The following PDE3B variants were observed in gnomAD, a reference collection of about 807,000 sequenced individuals.
The protein encoded by PDE3B is phosphodiesterase 3B, also known as cGMP-inhibited 3',5'-cyclic phosphodiesterase 3B.
In PDE3B, 66 loss-of-function variants were observed where a neutral mutation model predicts 116.8. That is an observed-to-expected ratio of 0.56 (90% confidence interval 0.46 to 0.69). The LOEUF (loss-of-function observed/expected upper bound fraction) is 0.69. Among genes scored for constraint, PDE3B ranks in the 30% least tolerant of loss-of-function variants. The pLI, the probability that PDE3B is intolerant of heterozygous loss-of-function variation, is 0.00. For missense variants in PDE3B, 1,384 were observed against 1,368.1 expected (o/e 1.01, Z -0.18); for synonymous variants, 595 against 533.6 (o/e 1.12, Z -1.59).
At chr11:14,768,773 T>C (rs1446637225) in intron 1 of PDE3B, among the ~76,000 whole-genome samples, 2 of 151,506 alleles carry the variant, frequency 1.3e-5, no homozygotes, top group African/African-American at 4.8e-5. Flanking sequence ...ACTAAAAATG[T>C]CTCACCATTG....
chr11:14,653,263 G>A lies in PDE3B; in HGVS notation c.978+8210G>A, dbSNP rs1853616220. On this transcript the variant is annotated intron_variant, in intron 1 of 15. Transcript: ENST00000282096. ...AAACCTCACGTAAAAATTTAAATTG[G>A]CCTCAGGTTGGCAATGTTCCAAGGC... is the stretch of plus-strand genomic sequence containing the variant. 2.0e-5 allele frequency among the ~76,000 whole-genome samples: 3 copies of A among 152,016 alleles called. No individual in the cohort carries two copies. The South Asian group carries it at 6.2e-4, about 32-fold the overall frequency.
intron 1 of PDE3B, among the ~76,000 whole-genome samples, chr11:14,657,749 G>C (rs1160850552): frequency 6.6e-6 from 1 of 152,158 alleles, no homozygotes; most frequent in Non-Finnish European, 1.5e-5. Context: ...GGAGTTTAAT[G>C]TAAGATAAAA....
At chr11:14,725,363 C>T (rs1304122729) in intron 1 of PDE3B, among the ~76,000 whole-genome samples, 1 of 145,178 alleles carries the variant, frequency 6.9e-6, no homozygotes, top group Non-Finnish European at 1.5e-5. Flanking sequence ...TTTCTCCTCT[C>T]TCTTTCTCCT....
At chr11:14,810,719 TC>T (rs1271375749) in intron 5 of PDE3B, among the ~76,000 whole-genome samples, 1 of 142,738 alleles carries the variant, frequency 7.0e-6, no homozygotes, top group East Asian at 2.0e-4. Context: ...TATTTCTAGT[TC>T]TAGATCCCTG....
chr11:14,792,113 C>T (rs1174873644), intron 4 of PDE3B, among the ~76,000 whole-genome samples: 3 of 151,996 alleles, frequency 2.0e-5, no homozygotes, highest in Admixed American at 6.6e-5. Context: ...TATAGAATAA[C>T]GCCCAAATTC....
At chr11:14,872,695 C>T (rs1337879124), downstream of PDE3B, among the ~76,000 whole-genome samples, 1 of 152,164 alleles carries the variant, frequency 6.6e-6, no homozygotes, top group Admixed American at 6.5e-5. Context: ...GGTTCTAGGA[C>T]CTCCTCAGCT....
chr11:14,851,054 A>G (rs1320967370), intron 12 of PDE3B, among the ~76,000 whole-genome samples: 2 of 141,916 alleles, frequency 1.4e-5, no homozygotes, highest in East Asian at 4.1e-4. Flanking sequence ...CGATCTCTTG[A>G]CCTCGTGATC....
At chr11:14,688,333 T>C (rs1484344546) in intron 1 of PDE3B, among the ~76,000 whole-genome samples, 1 of 152,182 alleles carries the variant, frequency 6.6e-6, no homozygotes, top group Non-Finnish European at 1.5e-5. Flanking sequence ...GTTTTTAAGC[T>C]TAGAGAAAAA....
At chr11:14,836,901 CT>C (rs1860073434) in intron 11 of PDE3B, among the ~76,000 whole-genome samples, 1 of 152,200 alleles carries the variant, frequency 6.6e-6, no homozygotes, top group African/African-American at 2.4e-5. Flanking sequence ...CCTCCGCCTC[CT>C]AGGCGGGTTC....
Position 14,835,198 on chromosome 11 carries a change from G to A in PDE3B, c.2320+103G>A, listed in dbSNP as rs928713033. ...CTTTTAAGTTTTTCATTAAGTAACC[G>A]TTTAGTACATACGAAGGACTGTGTA... On this transcript the variant is annotated intron_variant, in intron 11 of 15. Transcript: ENST00000282096. 53 of 687,892 alleles carry A rather than the reference G, an allele frequency of 7.7e-5. 1 individual carries two copies. Among genetic ancestry groups the A allele is most frequent in the African/African-American group, 4.1e-4 (23 of 55,630 alleles). The allele number at this position is 687,892 out of a possible 1,614,324, so 42.6% of individuals were successfully genotyped here. A position where few individuals can be genotyped will look rare whatever the true frequency, so the allele number is the denominator to read the frequency against.
chr11:14,753,810 A>T (rs1012078222), intron 1 of PDE3B, among the ~76,000 whole-genome samples: 11 of 152,174 alleles, frequency 7.2e-5, no homozygotes, highest in African/African-American at 2.7e-4. Flanking sequence ...ACTGAAGCAC[A>T]TGCAGGAGAT....
At chr11:14,880,508 T>C in the PDE3B span, 3 of 1,613,428 alleles carry the variant, frequency 1.9e-6, no homozygotes, top group Non-Finnish European at 2.5e-6. Context: ...AACTCAATCA[T>C]GTGCTGAAAA....
chr11:14,844,457 C>A (rs1847544777), intron 12 of PDE3B, among the ~76,000 whole-genome samples: 1 of 152,228 alleles, frequency 6.6e-6, no homozygotes, highest in Admixed American at 6.5e-5. Flanking sequence ...CCAGGTTCAT[C>A]TCACTAGGGA....
intron 4 of PDE3B, among the ~76,000 whole-genome samples, chr11:14,800,113 A>C (rs1236125109): frequency 6.6e-6 from 1 of 152,062 alleles, no homozygotes; most frequent in African/African-American, 2.4e-5. Context: ...AGCTCTTGTT[A>C]GGCAGGCCTG....
chr11:14,862,315 A>G (rs1847966509), intron 14 of PDE3B, among the ~76,000 whole-genome samples: 1 of 152,176 alleles, frequency 6.6e-6, no homozygotes, highest in Admixed American at 6.5e-5. Flanking sequence ...AGACTACATT[A>G]TGATTCCAAG....
intron 1 of PDE3B, among the ~76,000 whole-genome samples, chr11:14,645,786 A>C (rs1051273245): frequency 1.3e-5 from 2 of 152,126 alleles, no homozygotes; most frequent in African/African-American, 2.4e-5. Context: ...TTTTTTTTAA[A>C]AGGGATTGAA....
At chr11:14,781,982 A>G (rs1858019069) in intron 2 of PDE3B, among the ~76,000 whole-genome samples, 1 of 152,212 alleles carries the variant, frequency 6.6e-6, no homozygotes, top group Non-Finnish European at 1.5e-5. Context: ...TACAAAAGCA[A>G]TGTGCAGAAA....
chr11:14,749,910 A>ATATATATATATATATATATG (rs763744588), intron 1 of PDE3B, among the ~76,000 whole-genome samples: 2 of 131,482 alleles, frequency 1.5e-5, no homozygotes, highest in Admixed American at 7.6e-5. Context: ...ATATATATAT[A>ATATATATATATATATATATG]TATGTATCTT....
intron 2 of PDE3B, chr11:14,774,940 A>G (rs1020088829): frequency 6.6e-6 from 1 of 152,196 alleles, no homozygotes; most frequent in African/African-American, 2.4e-5. Context: ...CAAACAAGTC[A>G]GACAGGCTTC....
Sources: allele counts gnomAD v4.1 joint callset (sites outside exome capture counted in the v4.1 genomes callset), GRCh38; gene constraint gnomAD v4.1.1; transcripts MANE v1.5; gene names NCBI Gene and HGNC (gene_info 2026-07-23, HGNC 2026-07-21).